MEGF11: variants seen among roughly 807,000 people sequenced by gnomAD.
MEGF11 encodes the protein multiple EGF like domains 11.
In MEGF11, 126 loss-of-function variants were observed where a neutral mutation model predicts 146.6. That is an observed-to-expected ratio of 0.86 (90% CI 0.74 to 1.00). MEGF11 has a LOEUF of 1.00. MEGF11 is among the 50% of genes least tolerant of loss of function. MEGF11 has a pLI of 0.00. For missense variants in MEGF11, 1,509 were observed against 1,521.2 expected (o/e 0.99, Z 0.13); for synonymous variants, 532 against 583.4 (o/e 0.91, Z 1.27).
intron 1 of MEGF11, among the ~76,000 whole-genome samples, chr15:66,197,344 C>T (rs978007131): frequency 3.0e-4 from 45 of 152,318 alleles, no homozygotes; most frequent in African/African-American, 1.1e-3. Context: ...TATGTTCACT[C>T]TCATCTCCAG....
Position 65,990,641 on chromosome 15 carries a change from A to C in MEGF11, c.395-8153T>G, listed in dbSNP as rs1567192793. 2.0e-5 allele frequency among the ~76,000 whole-genome samples: 3 copies of C among 151,856 alleles called. No individual in the cohort carries two copies. In the South Asian group the frequency reaches 6.2e-4, roughly 32 times the overall value. On this transcript the variant is annotated intron_variant, in intron 5 of 25. Coordinates refer to ENST00000395614, the MANE Select transcript of MEGF11 (RefSeq NM_001385028.1). ...AAAGAAAAGAAAAAAAGAGAAAGGA[A>C]AAGAAAAAAGAAGGAAGGGAAGGGA... is the stretch of plus-strand genomic sequence containing the variant.
chr15:66,025,670 C>T lies in MEGF11; in HGVS notation c.395-43182G>A, dbSNP rs185127565. ...TTAATGCTTTGTGAGTCCTTAGGAA[C>T]GGACCATACCTCCTTTTGCCTTCAG... On this transcript the variant is annotated intron_variant, in intron 5 of 25. Transcript: ENST00000395614. Among the ~76,000 whole-genome samples the T allele has an allele frequency of 2.0e-5, 3 of 152,252 alleles. No individual in the cohort carries two copies. The East Asian group carries it at 5.8e-4, about 29-fold the overall frequency.
At chr15:66,129,413 G>A (rs982924890) in intron 1 of MEGF11, among the ~76,000 whole-genome samples, 3 of 152,350 alleles carry the variant, frequency 2.0e-5, no homozygotes, top group East Asian at 1.9e-4. Flanking sequence ...GACTCAGAAA[G>A]ACAGAACTAT....
intron 5 of MEGF11, among the ~76,000 whole-genome samples, chr15:66,009,536 G>GC (rs1341188597): frequency 6.6e-6 from 1 of 151,976 alleles, no homozygotes; most frequent in Non-Finnish European, 1.5e-5. Flanking sequence ...TATTTCAAAA[G>GC]CAGAGGCTGG....
intron 10 of MEGF11, among the ~76,000 whole-genome samples, chr15:65,947,240 G>C (rs1357900915): frequency 6.6e-6 from 1 of 152,072 alleles, no homozygotes; most frequent in African/African-American, 2.4e-5. Context: ...CGGCACTAAT[G>C]ACTAAGGGAG....
chr15:66,015,030 A>G (rs913414691), intron 5 of MEGF11, among the ~76,000 whole-genome samples: 15 of 152,158 alleles, frequency 9.9e-5, no homozygotes, highest in African/African-American at 3.6e-4. Context: ...TCCCACCATG[A>G]TTGCTTTCAA....
At chr15:65,945,148 G>A (rs544740641) in intron 10 of MEGF11, among the ~76,000 whole-genome samples, 30 of 152,238 alleles carry the variant, frequency 2.0e-4, no homozygotes, top group African/African-American at 6.7e-4. Context: ...TGCCCTCCTC[G>A]GCCTCCTAAA....
chr15:66,009,873 C>T (rs368496638), intron 5 of MEGF11, among the ~76,000 whole-genome samples: 73 of 152,136 alleles, frequency 4.8e-4, no homozygotes, highest in African/African-American at 1.5e-3. Context: ...GGATTACAGG[C>T]GTGAGCCACC....
intron 1 of MEGF11, among the ~76,000 whole-genome samples, chr15:66,194,465 G>A (rs566986703): frequency 2.0e-3 from 306 of 152,132 alleles, no homozygotes; most frequent in Non-Finnish European, 3.8e-3. Context: ...GAAATTATCC[G>A]GGTGTGGTGG....
At chr15:66,190,600 G>A (rs752700286) in intron 1 of MEGF11, among the ~76,000 whole-genome samples, 12 of 152,142 alleles carry the variant, frequency 7.9e-5, no homozygotes, top group South Asian at 4.1e-4. Flanking sequence ...AGGTGGCCAA[G>A]AGATAGCACC....
At chr15:66,046,607 A>T (rs1465819834) in intron 5 of MEGF11, among the ~76,000 whole-genome samples, 1 of 152,214 alleles carries the variant, frequency 6.6e-6, no homozygotes, top group African/African-American at 2.4e-5. Flanking sequence ...GCTTAGGCTG[A>T]GTGCCGGGGC....
At chr15:66,076,086 T>A (rs1401075652) in intron 5 of MEGF11, among the ~76,000 whole-genome samples, 1 of 152,140 alleles carries the variant, frequency 6.6e-6, no homozygotes, top group East Asian at 1.9e-4. Flanking sequence ...GATGTATGCA[T>A]AGATGGACAG....
At chr15:66,074,629 G>A (rs2085502706) in intron 5 of MEGF11, among the ~76,000 whole-genome samples, 1 of 152,350 alleles carries the variant, frequency 6.6e-6, no homozygotes, top group South Asian at 2.1e-4. Flanking sequence ...GCTGGGACAT[G>A]ACATGAAATG....
intron 1 of MEGF11, among the ~76,000 whole-genome samples, chr15:66,152,833 C>A (rs1480883445): frequency 6.6e-6 from 1 of 152,226 alleles, no homozygotes; most frequent in African/African-American, 2.4e-5. Context: ...GACCCAGAGC[C>A]CAGGACATGG....
At chr15:66,111,323 A>T (rs1004228540) in intron 4 of MEGF11, among the ~76,000 whole-genome samples, 3 of 152,174 alleles carry the variant, frequency 2.0e-5, no homozygotes, top group Non-Finnish European at 4.4e-5. Context: ...CCCCCATTCC[A>T]CTTCTCTCTG....
intron 5 of MEGF11, among the ~76,000 whole-genome samples, chr15:66,042,054 T>C (rs2084001667): frequency 6.6e-6 from 1 of 151,558 alleles, no homozygotes; most frequent in Admixed American, 6.6e-5. Flanking sequence ...TAGAGCCAAT[T>C]AGAGGGAGGT....
chr15:66,086,700 C>T (rs1156594165), intron 5 of MEGF11, among the ~76,000 whole-genome samples: 1 of 152,118 alleles, frequency 6.6e-6, no homozygotes, highest in Non-Finnish European at 1.5e-5. Context: ...CACATCAAAA[C>T]AGAATCTCTT....
chr15:65,996,559 C>A (rs2082206939), intron 5 of MEGF11, among the ~76,000 whole-genome samples: 1 of 151,588 alleles, frequency 6.6e-6, no homozygotes, highest in African/African-American at 2.4e-5. Flanking sequence ...GATCTTGACT[C>A]ATTGCAACCT....
intron 1 of MEGF11, among the ~76,000 whole-genome samples, chr15:66,248,722 C>T (rs1449857963): frequency 6.6e-6 from 1 of 152,190 alleles, no homozygotes; most frequent in Non-Finnish European, 1.5e-5. Context: ...ACACTTGGCC[C>T]AGAGAGACCA....
Sources: gnomAD v4.1 joint callset for allele counts (sites outside exome capture counted in the v4.1 genomes callset) on GRCh38, gnomAD v4.1.1 for gene constraint, MANE v1.5 for transcripts, NCBI Gene and HGNC (gene_info 2026-07-23, HGNC 2026-07-21) for gene names.